The following UNC5D variants were observed in gnomAD, a reference collection of about 807,000 sequenced individuals.
UNC5D encodes the protein netrin receptor UNC5D.
Under a neutral mutation model 105.4 loss-of-function variants are expected in UNC5D, and 39 were observed. That is an observed-to-expected ratio of 0.37 (90% confidence interval 0.29 to 0.48). The LOEUF is 0.48. Ranked by LOEUF, UNC5D falls within the 20% of genes least tolerant of loss-of-function variation. UNC5D has a pLI of 0.98. For missense variants in UNC5D, 991 were observed against 1,202.4 expected (o/e 0.82, Z 2.60); for synonymous variants, 452 against 450.4 (o/e 1.00, Z -0.04).
chr8:35,313,467 A>G (rs906666613), intron 1 of UNC5D, among the ~76,000 whole-genome samples: 1 of 152,180 alleles, frequency 6.6e-6, no homozygotes, highest in African/African-American at 2.4e-5. Flanking sequence ...CCAATTCCAT[A>G]TGGAAGTTTG....
chr8:35,726,473 T>C lies in UNC5D; in HGVS notation c.1625T>C (p.Leu542Pro), dbSNP rs1205357688. ...NLSSLPTRTE[L>P]RTTGVFGHLG... ...TCATCACTCCCCACAAGGACAGAAC[T>C]GAGGACAACTGGTGTCTTTGGCCAT... The change falls in exon 10 of 17, where the codon CTG becomes CCG. Residue 542 changes from leucine (L) to proline (P), a missense_variant. By Grantham distance (98) the Leu-to-Pro change is moderately conservative. Transcript: ENST00000404895. The C allele has an allele frequency of 6.2e-7, 1 of 1,614,090 alleles. No individual in the cohort carries two copies. Among genetic ancestry groups the C allele is most frequent in the Non-Finnish European group, 8.5e-7 (1 of 1,180,008 alleles).
chr8:35,652,151 A>G (rs1052302685), intron 4 of UNC5D, among the ~76,000 whole-genome samples: 11 of 152,186 alleles, frequency 7.2e-5, no homozygotes, highest in Non-Finnish European at 1.3e-4. Context: ...ATACACAATA[A>G]TGCATTTATT....
chr8:35,425,187 A>C (rs1472081582), intron 1 of UNC5D, among the ~76,000 whole-genome samples: 1 of 152,238 alleles, frequency 6.6e-6, no homozygotes, highest in Non-Finnish European at 1.5e-5. Flanking sequence ...AAGTATAATA[A>C]AAATAAAAAG....
At chr8:35,293,273 C>T (rs1807214358) in intron 1 of UNC5D, among the ~76,000 whole-genome samples, 2 of 152,040 alleles carry the variant, frequency 1.3e-5, no homozygotes, top group East Asian at 1.9e-4. Context: ...TGAATTTTTG[C>T]TTTTTTATTT....
At chr8:35,735,065 AC>A (rs1483479340) in intron 11 of UNC5D, among the ~76,000 whole-genome samples, 1 of 152,210 alleles carries the variant, frequency 6.6e-6, no homozygotes, top group Non-Finnish European at 1.5e-5. Flanking sequence ...GGCATAAACC[AC>A]CACGTGCCCA....
At chr8:35,597,393 G>GTCAGGCAAGGGACTGTATCCCTCTCA (rs1459429274) in intron 4 of UNC5D, among the ~76,000 whole-genome samples, 3 of 152,184 alleles carry the variant, frequency 2.0e-5, no homozygotes, top group African/African-American at 4.8e-5. Flanking sequence ...GGTGTTAAGT[G>GTCAGGCAAGGGACTGTATCCCTCTCA]TCAGGCAAGG....
rs1829164607 is a variant in UNC5D, at chr8:35,731,088, T to C, written c.1758T>C (p.Gly586=). 6.2e-7 allele frequency: 1 copy of C among 1,613,714 alleles called. No individual in the cohort carries two copies. The highest frequency in any genetic ancestry group is 1.3e-5 in the African/African-American group (1 of 75,008). The part of the protein sequence containing the change: ...SWEIYMSINQ[G]EPSLQSDGSE... ...AGATTTATATGTCCATCAACCAAGGTGAACCCAGGTGAGAGACAGAGAATA... is the reference window on the plus strand; with the variant it reads ...AGATTTATATGTCCATCAACCAAGGCGAACCCAGGTGAGAGACAGAGAATA... The change falls in exon 11 of 17, where the codon GGT becomes GGC. Residue 586 remains glycine, a synonymous_variant. Coordinates refer to ENST00000404895, the MANE Select transcript of UNC5D (RefSeq NM_080872.4).
At chr8:35,348,794 G>A (rs1168543038) in intron 1 of UNC5D, among the ~76,000 whole-genome samples, 1 of 151,668 alleles carries the variant, frequency 6.6e-6, no homozygotes, top group Non-Finnish European at 1.5e-5. Flanking sequence ...ATGTACCTTT[G>A]AACCAAGGTT....
At chr8:35,461,331 G>A (rs1460158060) in intron 1 of UNC5D, among the ~76,000 whole-genome samples, 1 of 152,096 alleles carries the variant, frequency 6.6e-6, no homozygotes, top group Non-Finnish European at 1.5e-5. Context: ...TATCTTACGT[G>A]TCTACATTGC....
chr8:35,352,404 G>A (rs1812300046), intron 1 of UNC5D, among the ~76,000 whole-genome samples: 2 of 151,930 alleles, frequency 1.3e-5, no homozygotes, highest in South Asian at 4.1e-4. Context: ...ATTATTTATT[G>A]CACATGTGAT....
At chr8:35,266,767 C>A (rs894438241) in intron 1 of UNC5D, among the ~76,000 whole-genome samples, 1 of 150,994 alleles carries the variant, frequency 6.6e-6, no homozygotes, top group Non-Finnish European at 1.5e-5. Flanking sequence ...ATATCTAATA[C>A]CTTGGTGAAG....
At chr8:35,552,423 G>A (rs1816230642) in intron 2 of UNC5D, among the ~76,000 whole-genome samples, 1 of 152,086 alleles carries the variant, frequency 6.6e-6, no homozygotes, top group South Asian at 2.1e-4. Flanking sequence ...ACATAAGGAT[G>A]GATTGAAGTA....
chr8:35,712,770 A>G (rs929075077), intron 8 of UNC5D, among the ~76,000 whole-genome samples: 2 of 152,198 alleles, frequency 1.3e-5, no homozygotes, highest in Non-Finnish European at 2.9e-5. Context: ...TCTTGAATCC[A>G]CAAAACTGTC....
intron 3 of UNC5D, among the ~76,000 whole-genome samples, chr8:35,579,191 T>C (rs1452787045): frequency 1.3e-5 from 2 of 152,182 alleles, no homozygotes; most frequent in African/African-American, 4.8e-5. Context: ...AGTTAATCTT[T>C]GGGGATTCTT....
chr8:35,550,243 GA>G (rs1447656183), intron 2 of UNC5D, among the ~76,000 whole-genome samples: 1 of 152,100 alleles, frequency 6.6e-6, no homozygotes, highest in African/African-American at 2.4e-5. Flanking sequence ...CCTTCTCGTA[GA>G]CAAGGAAACT....
intron 4 of UNC5D, among the ~76,000 whole-genome samples, chr8:35,616,541 C>T (rs1821037621): frequency 6.6e-6 from 1 of 152,160 alleles, no homozygotes; most frequent in Non-Finnish European, 1.5e-5. Context: ...CTCTGCACTA[C>T]TTTCAGCTTC....
intron 1 of UNC5D, among the ~76,000 whole-genome samples, chr8:35,442,586 G>A (rs763391575): frequency 3.3e-5 from 5 of 151,876 alleles, no homozygotes; most frequent in Non-Finnish European, 5.9e-5. Flanking sequence ...TCCGGTCTTT[G>A]TATAACTTGT....
chr8:35,425,706 C>A (rs547768794), intron 1 of UNC5D, among the ~76,000 whole-genome samples: 3 of 152,252 alleles, frequency 2.0e-5, no homozygotes, highest in Non-Finnish European at 2.9e-5. Flanking sequence ...ACCTTTTCTG[C>A]CAGTTCTACC....
At chr8:35,715,987 A>G (rs1828230123) in intron 8 of UNC5D, among the ~76,000 whole-genome samples, 1 of 152,140 alleles carries the variant, frequency 6.6e-6, no homozygotes, top group South Asian at 2.1e-4. Context: ...GAATGTGAAT[A>G]TAATAATTAC....
Sources: allele counts gnomAD v4.1 joint callset (sites outside exome capture counted in the v4.1 genomes callset), GRCh38; gene constraint gnomAD v4.1.1; transcripts MANE v1.5; gene names NCBI Gene and HGNC (gene_info 2026-07-23, HGNC 2026-07-21).